Variants in DPH6 observed in about 807,000 individuals in gnomAD.
The protein encoded by DPH6 is diphthine--ammonia ligase.
Under a neutral mutation model 38.2 loss-of-function variants are expected in DPH6, and 33 were observed. That is an observed-to-expected ratio of 0.86 (90% confidence interval 0.65 to 1.15). DPH6 has a LOEUF of 1.15. Among genes scored for constraint, DPH6 ranks in the 50% most tolerant of loss-of-function variants. The pLI, the probability that DPH6 is intolerant of heterozygous loss-of-function variation, is 0.00. For synonymous variants in DPH6, 108 were observed against 103.0 expected, an observed-to-expected ratio of 1.05 and a Z score of -0.30; for missense variants, 325 against 320.0, an observed-to-expected ratio of 1.02 and a Z score of -0.12.
chr15:35,397,286 G>C (rs1260695558), intron 6 of DPH6, among the ~76,000 whole-genome samples: 1 of 152,128 alleles, frequency 6.6e-6, no homozygotes. Context: ...TTGACAGCTG[G>C]CTTAGAAAGA....
At chr15:35,241,294 G>A (rs889108173) in intron 3 of DPH6, among the ~76,000 whole-genome samples, 1 of 137,346 alleles carries the variant, frequency 7.3e-6, no homozygotes, top group East Asian at 2.3e-4. Context: ...CACGGACGCC[G>A]AGCTTTGGGT....
chr15:35,521,459 T>A, intron 3 of DPH6: 1 of 1,185,414 alleles, frequency 8.4e-7, no homozygotes, highest in Non-Finnish European at 1.0e-6. Context: ...GCTGATTGCT[T>A]TTCATTGATC....
At chr15:35,430,075 T>A (rs965261454) in intron 5 of DPH6, among the ~76,000 whole-genome samples, 6 of 152,046 alleles carry the variant, frequency 3.9e-5, no homozygotes, top group Admixed American at 3.9e-4. Context: ...TAAAAAGAAA[T>A]CATCAAAAAT....
downstream of DPH6, among the ~76,000 whole-genome samples, chr15:35,366,365 T>C (rs1244041559): frequency 6.6e-6 from 1 of 151,832 alleles, no homozygotes; most frequent in Non-Finnish European, 1.5e-5. Flanking sequence ...CTGAGTTCAA[T>C]GGAAAGTTTT....
intron 3 of DPH6, among the ~76,000 whole-genome samples, chr15:35,236,531 C>T (rs2051552576): frequency 6.6e-6 from 1 of 150,984 alleles, no homozygotes; most frequent in African/African-American, 2.4e-5. Context: ...CCCAGCTACT[C>T]GGGAGGCTGA....
chr15:35,430,671 C>A (rs2053622279), intron 5 of DPH6, among the ~76,000 whole-genome samples: 1 of 152,088 alleles, frequency 6.6e-6, no homozygotes, highest in Non-Finnish European at 1.5e-5. Context: ...TTTTCAACTG[C>A]TTAATACAAA....
At chr15:35,283,929 G>T (rs904295053) in intron 3 of DPH6, among the ~76,000 whole-genome samples, 2 of 152,084 alleles carry the variant, frequency 1.3e-5, no homozygotes, top group Non-Finnish European at 2.9e-5. Context: ...ATTCTTCTGG[G>T]TCTCTTTATC....
At chr15:35,526,411 C>T (rs1014700593) in intron 3 of DPH6, among the ~76,000 whole-genome samples, 1 of 152,098 alleles carries the variant, frequency 6.6e-6, no homozygotes, top group Non-Finnish European at 1.5e-5. Context: ...ATAATTTTGT[C>T]AAAGTTAGAT....
intron 3 of DPH6, among the ~76,000 whole-genome samples, chr15:35,536,988 T>G: frequency 6.6e-6 from 1 of 152,104 alleles, no homozygotes; most frequent in East Asian, 1.9e-4. Flanking sequence ...ATGCTATCTA[T>G]AACTAAGCAG....
At chr15:35,409,956 A>G (rs182765765) in intron 6 of DPH6, among the ~76,000 whole-genome samples, 3 of 151,964 alleles carry the variant, frequency 2.0e-5, no homozygotes, top group Admixed American at 2.0e-4. Flanking sequence ...GGAGATTTCT[A>G]GGCATTTGGT....
the DPH6 span, among the ~76,000 whole-genome samples, chr15:35,147,094 G>A: frequency 6.6e-6 from 1 of 152,138 alleles, no homozygotes; most frequent in African/African-American, 2.4e-5. Context: ...CTTACATGGT[G>A]CTTTCTATAT....
At chr15:35,339,818 TTAGAG>T (rs2052406539) in intron 3 of DPH6, among the ~76,000 whole-genome samples, 1 of 152,140 alleles carries the variant, frequency 6.6e-6, no homozygotes, top group South Asian at 2.1e-4. Context: ...GTGATCAACT[TTAGAG>T]TAAGTGTTGT....
At chr15:35,238,079 T>C (rs2051568655) in intron 3 of DPH6, 4 of 1,540,828 alleles carry the variant, frequency 2.6e-6, no homozygotes, top group East Asian at 2.2e-5. Context: ...ATAACCTATT[T>C]TGAAAAATTC....
chr15:35,542,348 CA>C, intron 2 of DPH6, 64 bp downstream of exon 2: 2 of 1,338,620 alleles, frequency 1.5e-6, no homozygotes, highest in Non-Finnish European at 2.1e-6. Flanking sequence ...TATACCTGTA[CA>C]ATGTAATTAT....
chr15:35,198,009 A>G, the DPH6 span, among the ~76,000 whole-genome samples: 3 of 152,144 alleles, frequency 2.0e-5, no homozygotes, highest in African/African-American at 7.2e-5. Flanking sequence ...ATAAGACCTC[A>G]TGGCACATAT....
chr15:35,456,495 A>T (rs531720043), intron 3 of DPH6, among the ~76,000 whole-genome samples: 81 of 141,762 alleles, frequency 5.7e-4, no homozygotes, highest in African/African-American at 1.3e-3. Flanking sequence ...ATTTATTATT[A>T]TTTTTTTTTT....
At chr15:35,255,721 T>C (rs944397412) in intron 3 of DPH6, among the ~76,000 whole-genome samples, 1 of 152,190 alleles carries the variant, frequency 6.6e-6, no homozygotes, top group South Asian at 2.1e-4. Context: ...CTTGAAATTT[T>C]TTTTGACTTT....
chr15:35,454,687 A>G, intron 4 of DPH6, 60 bp downstream of exon 4: 1 of 1,356,232 alleles, frequency 7.4e-7, no homozygotes, highest in Non-Finnish European at 1.0e-6. Context: ...ATTATTTTTC[A>G]CTTATTCACA....
chr15:35,521,356 T>C (rs2054920454), intron 3 of DPH6: 1 of 1,023,612 alleles, frequency 9.8e-7, no homozygotes, highest in South Asian at 4.6e-5. Context: ...TACAATCCTA[T>C]GAACCAACTT....
Sources: gnomAD v4.1 joint callset for allele counts (sites outside exome capture counted in the v4.1 genomes callset) on GRCh38, gnomAD v4.1.1 for gene constraint, MANE v1.5 for transcripts, NCBI Gene and HGNC (gene_info 2026-07-23, HGNC 2026-07-21) for gene names.